The following CDH9 variants were observed in gnomAD, a reference collection of about 807,000 sequenced individuals.
CDH9 encodes cadherin 9, also known as cadherin-9.
Under a neutral mutation model 70.9 loss-of-function variants are expected in CDH9, and 28 were observed. The ratio of observed to expected loss-of-function variants is 0.40; its 90% CI spans 0.29 to 0.54. The LOEUF (loss-of-function observed/expected upper bound fraction) is 0.54. Ranked by LOEUF, CDH9 falls within the 20% of genes least tolerant of loss-of-function variation. The pLI, the probability that CDH9 is intolerant of heterozygous loss-of-function variation, is 0.59. For missense variants in CDH9, 874 were observed against 984.4 expected, an observed-to-expected ratio of 0.89 and a Z score of 1.50; for synonymous variants, 409 against 343.1, an observed-to-expected ratio of 1.19 and a Z score of -2.12.
At chr5:26,933,498 A>G (rs1741501596) in intron 2 of CDH9, among the ~76,000 whole-genome samples, 1 of 151,906 alleles carries the variant, frequency 6.6e-6, no homozygotes, top group South Asian at 2.1e-4. Flanking sequence ...AAAAGAAGGC[A>G]GGGTGCACTG....
intron 2 of CDH9, among the ~76,000 whole-genome samples, chr5:26,973,761 A>C (rs569240260): frequency 1.3e-5 from 2 of 152,302 alleles, no homozygotes; most frequent in African/African-American, 4.8e-5. Flanking sequence ...TGATGAACAC[A>C]TTTAAGGTTC....
At chr5:27,019,122 A>C (rs1743094215) in intron 1 of CDH9, among the ~76,000 whole-genome samples, 1 of 152,004 alleles carries the variant, frequency 6.6e-6, no homozygotes, top group Non-Finnish European at 1.5e-5. Context: ...GAAATTCAGA[A>C]TTGAAATAAT....
chr5:26,940,027 T>C (rs1486548273), intron 2 of CDH9, among the ~76,000 whole-genome samples: 4 of 151,710 alleles, frequency 2.6e-5, no homozygotes, highest in Admixed American at 6.6e-5. Context: ...AGCATGGTGG[T>C]GCATGCCTGT....
intron 11 of CDH9, among the ~76,000 whole-genome samples, chr5:26,883,421 T>C (rs556565419): frequency 5.3e-4 from 81 of 151,884 alleles, no homozygotes; most frequent in African/African-American, 1.9e-3. Context: ...AGGTTATTAA[T>C]CTGGGGCACG....
At position 26,988,134 on chromosome 5, in the gene CDH9, G is replaced by A. The variant is rs1202917872; in HGVS notation, c.200C>T (p.Thr67Ile). The change falls in exon 2 of 12, where the codon ACA becomes ATA. Residue 67 changes from threonine (T) to isoleucine (I), a missense_variant. By Grantham distance (89) the Thr-to-Ile change is moderately conservative. Coordinates refer to ENST00000231021, the MANE Select transcript of CDH9 (RefSeq NM_016279.4). ...WNQFFLLEEY[T>I]GTDTQYVGKL... ...GCCTACATATTGTGTGTCAGTACCT[G>A]TGTACTCTTCCAATAAGAAGAACTG... is the stretch of plus-strand genomic sequence containing the variant. The A allele has an allele frequency of 1.2e-6, 2 of 1,612,604 alleles. No homozygotes were observed. Among genetic ancestry groups the A allele is most frequent in the East Asian group, 2.2e-5 (1 of 44,792 alleles).
At chr5:26,951,063 G>A (rs1020992410) in intron 2 of CDH9, among the ~76,000 whole-genome samples, 5 of 152,034 alleles carry the variant, frequency 3.3e-5, no homozygotes, top group African/African-American at 1.2e-4. Flanking sequence ...GGAAGTCAAG[G>A]CGGGCAGATC....
intron 2 of CDH9, among the ~76,000 whole-genome samples, chr5:26,940,731 T>C (rs1469982700): frequency 6.6e-6 from 1 of 152,122 alleles, no homozygotes; most frequent in Non-Finnish European, 1.5e-5. Context: ...AGATCTGAAA[T>C]AAGACAAACA....
At chr5:27,024,463 T>C (rs1743189341) in intron 1 of CDH9, among the ~76,000 whole-genome samples, 1 of 152,058 alleles carries the variant, frequency 6.6e-6, no homozygotes, top group Admixed American at 6.6e-5. Flanking sequence ...TATGTTTTGT[T>C]TTCCACCTTC....
intron 2 of CDH9, among the ~76,000 whole-genome samples, chr5:26,944,446 T>C (rs10050598): frequency 6.6e-6 from 1 of 151,298 alleles, no homozygotes; most frequent in Admixed American, 6.6e-5. Flanking sequence ...AGTCCAGGAG[T>C]TTCAGATCAG....
chr5:27,010,009 T>C lies in CDH9; in HGVS notation c.-49-21627A>G, dbSNP rs1742930309. ...AAAGGATTTACTGGGAACTGAACCCTTGGCGGAGTCCTTAATCTTCCTTAT... is the reference window on the plus strand; with the variant it reads ...AAAGGATTTACTGGGAACTGAACCCCTGGCGGAGTCCTTAATCTTCCTTAT... On this transcript the variant is annotated intron_variant, in intron 1 of 11. Coordinates refer to ENST00000231021, the MANE Select transcript of CDH9 (RefSeq NM_016279.4). Among the ~76,000 whole-genome samples, 2 of 152,098 alleles carry C rather than the reference T, an allele frequency of 1.3e-5. 1 individual carries two copies. The highest frequency in any genetic ancestry group is 4.8e-5 in the African/African-American group (2 of 41,438).
In CDH9 at chr5:26,915,757, G is replaced by C; in HGVS notation, c.396C>G (p.Asp132Glu). Residue 132 changes from aspartate to glutamate, a missense_variant, in exon 3 of 12, where the codon GAC (aspartate) becomes GAG (glutamate). Physicochemically the swap from Asp to Glu is conservative, Grantham distance 45. Transcript: ENST00000231021. The stretch of plus-strand genomic sequence containing the variant: ...GTTCCACCTGCCGCCCAGTTTTTCT[G>C]TCTATAGCCTTGGCACGAAGAATGT... ...SLYILRAKAI[D>E]RKTGRQVEPE... 1.2e-6 allele frequency: 2 copies of C among 1,613,524 alleles called. No homozygotes were observed. The highest frequency in any genetic ancestry group is 1.7e-6 in the Non-Finnish European group (2 of 1,179,606).
In CDH9 at chr5:26,913,346, T is replaced by A. The variant is rs150965955; in HGVS notation, c.523+2284A>T. ...ATACAAAGTTATAGGTGAACCAAAGTGGAAGCAAGTAATATAATGTTAGTA... is the reference window on the plus strand; with the variant it reads ...ATACAAAGTTATAGGTGAACCAAAGAGGAAGCAAGTAATATAATGTTAGTA... On this transcript the variant is annotated intron_variant, in intron 3 of 11. Transcript: ENST00000231021. Among the ~76,000 whole-genome samples the A allele has an allele frequency of 6.5e-3, 982 of 152,206 alleles. 5 individuals carry two copies. Among genetic ancestry groups the A allele is most frequent in the Middle Eastern group, 0.024 (7 of 294 alleles).
rs1740614158 is a variant in CDH9, at chr5:26,889,187, T to C, written c.1512+649A>G. ...AGTTAATTACATGGTTAAATTACTT[T>C]TGGTAAAATTTATGCAGTTACTGTT... On this transcript the variant is annotated intron_variant, in intron 9 of 11. Coordinates refer to ENST00000231021, the MANE Select transcript of CDH9 (RefSeq NM_016279.4). 2.6e-5 allele frequency among the ~76,000 whole-genome samples: 4 copies of C among 151,516 alleles called. No individual in the cohort carries two copies. In the South Asian group the frequency reaches 8.4e-4, roughly 32 times the overall value.
At chr5:26,894,796 A>G (rs568308101) in intron 7 of CDH9, among the ~76,000 whole-genome samples, 28 of 152,152 alleles carry the variant, frequency 1.8e-4, no homozygotes, top group African/African-American at 6.5e-4. Context: ...GTCCCCCTGC[A>G]TTGAATTTTG....
intron 1 of CDH9, among the ~76,000 whole-genome samples, chr5:27,020,569 T>C (rs1001912105): frequency 3.3e-5 from 5 of 151,726 alleles, no homozygotes; most frequent in African/African-American, 7.2e-5. Flanking sequence ...TATATGTCTA[T>C]CTTAAGTGTT....
intron 7 of CDH9, among the ~76,000 whole-genome samples, chr5:26,900,656 T>C (rs1048890638): frequency 6.6e-5 from 10 of 152,228 alleles, no homozygotes; most frequent in African/African-American, 2.4e-4. Flanking sequence ...TGATATGATG[T>C]CATTGTTTAC....
chr5:27,012,447 C>T (rs142204075), intron 1 of CDH9, among the ~76,000 whole-genome samples: 467 of 151,922 alleles, frequency 3.1e-3, no homozygotes, highest in Middle Eastern at 6.8e-3. Context: ...AGCAGAATTC[C>T]GTTAATATTC....
chr5:26,929,040 A>T (rs1741394983), intron 2 of CDH9, among the ~76,000 whole-genome samples: 2 of 152,178 alleles, frequency 1.3e-5, no homozygotes, highest in Admixed American at 1.3e-4. Flanking sequence ...GAAACAATCA[A>T]CAAAGCAAAG....
chr5:26,977,404 C>G (rs1366461), intron 2 of CDH9, among the ~76,000 whole-genome samples: 75,942 of 150,432 alleles, frequency 0.5, 20,023 homozygotes, highest in African/African-American at 0.56. Flanking sequence ...TATAATTGAC[C>G]GTTTTGTTTT....
Sources: allele counts gnomAD v4.1 joint callset (sites outside exome capture counted in the v4.1 genomes callset), GRCh38; gene constraint gnomAD v4.1.1; transcripts MANE v1.5; gene names NCBI Gene and HGNC (gene_info 2026-07-23, HGNC 2026-07-21).